ANKRD13A: variants seen among roughly 807,000 people sequenced by gnomAD.
ANKRD13A encodes the protein ankyrin repeat domain-containing protein 13A.
In ANKRD13A, 48 loss-of-function variants were observed where a neutral mutation model predicts 81.3. That is an observed-to-expected ratio of 0.59 (90% confidence interval 0.47 to 0.75). ANKRD13A has a LOEUF of 0.75. Among genes scored for constraint, ANKRD13A ranks in the 30% least tolerant of loss-of-function variants. ANKRD13A has a pLI of 0.00. For synonymous variants in ANKRD13A, 230 were observed against 270.1 expected (o/e 0.85, Z 1.45); for missense variants, 612 against 734.0 (o/e 0.83, Z 1.92).
At chr12:110,009,867 G>T (rs1407322222) in intron 1 of ANKRD13A, among the ~76,000 whole-genome samples, 1 of 152,086 alleles carries the variant, frequency 6.6e-6, no homozygotes, top group Non-Finnish European at 1.5e-5. Context: ...TTGTTGTTTT[G>T]TTTTGTTTTG....
At chr12:110,027,842 T>C in intron 9 of ANKRD13A, 76 bp downstream of exon 9, 1 of 1,489,440 alleles carries the variant, frequency 6.7e-7, no homozygotes, top group South Asian at 1.1e-5. Context: ...TGGCATTTAC[T>C]GGATCCTGAA....
At chr12:110,003,198 T>C (rs908534699) in intron 1 of ANKRD13A, among the ~76,000 whole-genome samples, 20 of 152,110 alleles carry the variant, frequency 1.3e-4, no homozygotes, top group African/African-American at 4.8e-4. Flanking sequence ...ACCTGGGTTG[T>C]GTGAGGTGGA....
chr12:110,013,233 T>G lies in ANKRD13A; in HGVS notation c.338T>G (p.Leu113Arg). Reference protein sequence around the residue: ...SMALEGVPELLQKILEAPDFY... With the variant: ...SMALEGVPELRQKILEAPDFY... ...GCCCTTGAGGGAGTTCCTGAGCTGC[T>G]CCAAAAAATTCTCGAGGTATCCATG... The change falls in exon 3 of 15, where the codon CTC becomes CGC. Residue 113 changes from leucine to arginine, a missense_variant. By Grantham distance (102) the Leu-to-Arg change is moderately radical (BLOSUM62 -2). Coordinates refer to ENST00000261739, the MANE Select transcript of ANKRD13A (RefSeq NM_033121.2). The G allele has an allele frequency of 6.2e-7, 1 of 1,613,916 alleles. No homozygotes were observed. Among genetic ancestry groups the G allele is most frequent in the Non-Finnish European group, 8.5e-7 (1 of 1,179,950 alleles).
rs1892048555 is a variant in ANKRD13A at position 110,036,368 on chromosome 12, C to T, written c.1577+40C>T. ...TGACTCTGGAATAAACCAGGGTGAA[C>T]ACAGGCCTGGACACAGGCGAGCAGA... On this transcript the variant is annotated intron_variant, in intron 14 of 14. Transcript: ENST00000261739. The surrounding 1 kb of genome is among the most constrained non-coding windows in gnomAD (Gnocchi z 4.6). The T allele has an allele frequency of 1.3e-6, 2 of 1,597,574 alleles. No homozygotes were observed. The highest frequency in any genetic ancestry group is 1.7e-6 in the Non-Finnish European group (2 of 1,165,308).
At chr12:110,020,937 TC>T (rs1197749477) in intron 6 of ANKRD13A, among the ~76,000 whole-genome samples, 7 of 152,214 alleles carry the variant, frequency 4.6e-5, no homozygotes, top group Admixed American at 2.0e-4. Context: ...GAGACATTGT[TC>T]CCCATATTGT....
At chr12:110,000,755 CTTTTTTTTTT>C (rs34586781) in intron 1 of ANKRD13A, among the ~76,000 whole-genome samples, 1 of 125,900 alleles carries the variant, frequency 7.9e-6, no homozygotes, top group Non-Finnish European at 1.6e-5. Context: ...TTCTTTCCTT[CTTTTTTTTTT>C]TTTTTTTTTG....
chr12:110,007,424 AG>A (rs1890294480), intron 1 of ANKRD13A, among the ~76,000 whole-genome samples: 1 of 152,102 alleles, frequency 6.6e-6, no homozygotes, highest in Non-Finnish European at 1.5e-5. Flanking sequence ...ATTGTTGCCC[AG>A]GCTGGAGTTC....
At chr12:110,021,421 CTTTCTTTTTT>C (rs1566056282) in intron 6 of ANKRD13A, 3 of 151,638 alleles carry the variant, frequency 2.0e-5, no homozygotes, top group Non-Finnish European at 4.2e-5. Flanking sequence ...TTTCTTTTTT[CTTTCTTTTTT>C]TTTTTTTTTT....
intron 12 of ANKRD13A, chr12:110,032,447 C>T (rs1593230391): frequency 6.6e-6 from 1 of 152,144 alleles, no homozygotes; most frequent in East Asian, 1.9e-4. Context: ...TCCCATGTAG[C>T]AACAAAGTTG....
intron 12 of ANKRD13A, among the ~76,000 whole-genome samples, chr12:110,033,095 C>A (rs1330419897): frequency 2.0e-5 from 3 of 149,656 alleles, no homozygotes; most frequent in Non-Finnish European, 4.4e-5. Context: ...ACTCTGTCAC[C>A]CAGGCTGGAG....
rs964568194 is a variant in ANKRD13A, at chr12:110,036,608, C to T, written c.1577+280C>T. On this transcript the variant is annotated intron_variant, in intron 14 of 14. Coordinates refer to ENST00000261739, the MANE Select transcript of ANKRD13A (RefSeq NM_033121.2). The surrounding 1 kb of genome is among the most constrained non-coding windows in gnomAD (Gnocchi z 4.6). Reference sequence around the variant, plus strand: ...CCTAAAAAAAATACAAAAAATTAGCCGGGCATGGTGCCAGGCACCTGTAGT... The same window carrying T: ...CCTAAAAAAAATACAAAAAATTAGCTGGGCATGGTGCCAGGCACCTGTAGT... Among the ~76,000 whole-genome samples the T allele has an allele frequency of 1.3e-5, 2 of 152,100 alleles. No individual in the cohort carries two copies. The highest frequency in any genetic ancestry group is 2.4e-5 in the African/African-American group (1 of 41,440).
Position 110,028,616 on chromosome 12 carries a change from G to C in ANKRD13A, c.1050G>C (p.Pro350=). 6.2e-7 allele frequency: 1 copy of C among 1,614,216 alleles called. No homozygotes were observed. The highest frequency in any genetic ancestry group is 8.5e-7 in the Non-Finnish European group (1 of 1,180,044). The change falls in exon 10 of 15, where the codon CCG becomes CCC. Residue 350 remains proline, a synonymous_variant. Transcript: ENST00000261739. ...FDLKDRDIGR[P]KELTIRTQKF... is the part of the protein sequence containing the mutation. Reference sequence around the variant, plus strand: ...TGAAAGACAGGGACATTGGAAGGCCGAAAGAGCTGACGATTAGAACACAGA... The same window carrying C: ...TGAAAGACAGGGACATTGGAAGGCCCAAAGAGCTGACGATTAGAACACAGA...
At chr12:110,002,056 A>G (rs1211540554) in intron 1 of ANKRD13A, among the ~76,000 whole-genome samples, 1 of 152,200 alleles carries the variant, frequency 6.6e-6, no homozygotes, top group Non-Finnish European at 1.5e-5. Context: ...CTGGGATTAC[A>G]GGCATGAGCC....
chr12:110,014,784 CTCT>C (rs1427626481), intron 3 of ANKRD13A, among the ~76,000 whole-genome samples: 1 of 131,468 alleles, frequency 7.6e-6, no homozygotes, highest in African/African-American at 3.7e-5. Context: ...TCTAGCATTT[CTCT>C]TCTTTTTTTT....
intron 14 of ANKRD13A, 134 bp from the exon 15 acceptor site, chr12:110,037,225 G>A (rs1892116823): frequency 5.6e-6 from 5 of 889,252 alleles, no homozygotes; most frequent in Non-Finnish European, 8.7e-6. Context: ...CCAGTTATGT[G>A]GGATTAATTG....
chr12:110,011,527 G>A (rs1245186375), intron 1 of ANKRD13A, among the ~76,000 whole-genome samples: 2 of 152,170 alleles, frequency 1.3e-5, no homozygotes, highest in Non-Finnish European at 1.5e-5. Context: ...TGTTTTGGTG[G>A]GAATCCAGCT....
chr12:110,034,021 G>T, intron 13 of ANKRD13A, 64 bp downstream of exon 13: 3 of 1,421,566 alleles, frequency 2.1e-6, no homozygotes, highest in Non-Finnish European at 2.8e-6. Flanking sequence ...GTTAGCCTCA[G>T]TGTTTGGCTA....
chr12:110,024,331 GA>G (rs749343626), intron 7 of ANKRD13A, among the ~76,000 whole-genome samples: 28 of 151,638 alleles, frequency 1.8e-4, no homozygotes, highest in Non-Finnish European at 3.5e-4. Context: ...ATGCTAAAGA[GA>G]AACAATATGG....
At position 110,028,375 on chromosome 12, in the gene ANKRD13A, C is replaced by T. The variant is rs1287196754; in HGVS notation, c.946-137C>T. 5 of 890,230 alleles carry T rather than the reference C, an allele frequency of 5.6e-6. No homozygotes were observed. In the Admixed American group the frequency reaches 1.1e-4, roughly 19 times the overall value. The allele number at this position is 890,230 out of a possible 1,614,324, so 55.1% of individuals were successfully genotyped here. A position where few individuals can be genotyped will look rare whatever the true frequency, so the allele number is the denominator to read the frequency against. ...TGATATCCTCATAGATTTTCTTGTT[C>T]CATGCAAAAAAGTTAGTGAATAGAA... On this transcript the variant is annotated intron_variant, in intron 9 of 14. Transcript: ENST00000261739.
Sources: allele counts gnomAD v4.1 joint callset (sites outside exome capture counted in the v4.1 genomes callset), GRCh38; gene constraint gnomAD v4.1.1; non-coding constraint Gnocchi (gnomAD v3.1); transcripts MANE v1.5; gene names NCBI Gene and HGNC (gene_info 2026-07-23, HGNC 2026-07-21).